Variants in OR4N2 observed in about 807,000 individuals in gnomAD.
OR4N2 encodes the protein olfactory receptor family 4 subfamily N member 2.
For missense variants in OR4N2, 307 were observed against 377.6 expected, an observed-to-expected ratio of 0.81 and a Z score of 1.55; for synonymous variants, 141 against 140.4, an observed-to-expected ratio of 1.00 and a Z score of -0.03.
chr14:19,815,708 T>C (rs1300268472), intron 1 of OR4N2, among the ~76,000 whole-genome samples: 2 of 151,924 alleles, frequency 1.3e-5, no homozygotes, highest in Non-Finnish European at 2.9e-5. Flanking sequence ...TTTAATTAGA[T>C]CTCATTTGTC....
Position 19,828,547 on chromosome 14 carries a change from C to G in OR4N2, c.*175C>G. 3.0e-6 allele frequency: 2 copies of G among 670,386 alleles called. No individual in the cohort carries two copies. The highest frequency in any genetic ancestry group is 4.9e-6 in the Non-Finnish European group (2 of 408,952). 41.5% of individuals were successfully genotyped at this position (670,386 alleles called of 1,614,324 possible). ...AGGTCCATCTGCTCTCCAAGAGATA[C>G]AACCTAGTAAAAATAGACCACCATT... On this transcript the variant is annotated 3_prime_UTR_variant, in exon 2 of 2. Coordinates refer to ENST00000557677, the MANE Select transcript of OR4N2 (RefSeq NM_001004723.3).
chr14:19,804,210 T>C (rs556010901), intron 1 of OR4N2, among the ~76,000 whole-genome samples: 3 of 152,356 alleles, frequency 2.0e-5, no homozygotes, highest in African/African-American at 7.2e-5. Context: ...AGTTCAGCTC[T>C]GATTTCAGTT....
chr14:19,826,208 C>T (rs12437324), intron 1 of OR4N2, among the ~76,000 whole-genome samples: 17,087 of 150,024 alleles, frequency 0.11, 599 homozygotes, highest in South Asian at 0.25. Flanking sequence ...AATGAGTATA[C>T]CCCATGAAAA....
chr14:19,805,801 T>C (rs931158726), intron 1 of OR4N2, among the ~76,000 whole-genome samples: 1 of 152,052 alleles, frequency 6.6e-6, no homozygotes, highest in African/African-American at 2.4e-5. Context: ...CCACAGTTAA[T>C]GCAAAAGAAA....
At position 19,828,309 on chromosome 14, in the gene OR4N2, T is replaced by C; in HGVS notation, c.861T>C (p.Tyr287=). The stretch of plus-strand genomic sequence containing the variant: ...TTCCTTTGTTGAATCCTGTCATTTA[T>C]ACCCTTCGCAACCAGGAAGTGAAAG... ...VIFPLLNPVI[Y]TLRNQEVKAS... Residue 287 remains tyrosine, a synonymous_variant, in exon 2 of 2, where the codon TAT becomes TAC. Coordinates refer to ENST00000557677, the MANE Select transcript of OR4N2 (RefSeq NM_001004723.3). The C allele has an allele frequency of 6.2e-7, 1 of 1,614,112 alleles. No homozygotes were observed. The highest frequency in any genetic ancestry group is 1.3e-5 in the African/African-American group (1 of 75,008).
intron 1 of OR4N2, among the ~76,000 whole-genome samples, chr14:19,816,810 G>A (rs534264215): frequency 8.3e-4 from 126 of 152,256 alleles, no homozygotes; most frequent in South Asian, 3.7e-3. Flanking sequence ...TTGCCCATTC[G>A]GTATGATATT....
chr14:19,821,321 C>A (rs1879559900), intron 1 of OR4N2, among the ~76,000 whole-genome samples: 1 of 152,218 alleles, frequency 6.6e-6, no homozygotes, highest in Admixed American at 6.5e-5. Flanking sequence ...CAGAAATCTT[C>A]TGTGAGTAAC....
chr14:19,812,257 A>G (rs1175257024), intron 1 of OR4N2, among the ~76,000 whole-genome samples: 4 of 152,032 alleles, frequency 2.6e-5, no homozygotes, highest in Non-Finnish European at 4.4e-5. Context: ...AAGTAAAAAA[A>G]GAAAAGAAAA....
At position 19,828,187 on chromosome 14, in the gene OR4N2, A is replaced by G. The variant is rs756343717; in HGVS notation, c.739A>G (p.Ile247Val). 4.9e-5 allele frequency: 79 copies of G among 1,614,066 alleles called. No individual in the cohort carries two copies. Among genetic ancestry groups the G allele is most frequent in the Non-Finnish European group, 6.3e-5 (74 of 1,180,032 alleles). The change falls in exon 2 of 2, where the codon ATA becomes GTA. Residue 247 changes from isoleucine to valine, a missense_variant. Ile to Val is a conservative substitution (Grantham distance 29). Transcript: ENST00000557677. The part of the protein sequence containing the change: ...MSTCITHIIV[I>V]FFMFGPGIFI... ...CACGTGCATCACCCATATCATTGTT[A>G]TATTCTTCATGTTTGGACCTGGCAT...
intron 1 of OR4N2, among the ~76,000 whole-genome samples, chr14:19,827,085 C>T (rs1447587185): frequency 2.0e-5 from 3 of 152,226 alleles, no homozygotes; most frequent in Admixed American, 6.5e-5. Context: ...CACAAAAACT[C>T]AAAGACCTTC....
At chr14:19,815,590 T>C (rs1381184536) in intron 1 of OR4N2, among the ~76,000 whole-genome samples, 2 of 152,316 alleles carry the variant, frequency 1.3e-5, no homozygotes, top group East Asian at 3.9e-4. Flanking sequence ...GTCAGATGGA[T>C]AGATTGCAAA....
At chr14:19,807,427 A>C (rs1216576624) in intron 1 of OR4N2, among the ~76,000 whole-genome samples, 1 of 152,062 alleles carries the variant, frequency 6.6e-6, no homozygotes, top group Non-Finnish European at 1.5e-5. Flanking sequence ...GAAATACAAA[A>C]GATACTCAAA....
intron 1 of OR4N2, among the ~76,000 whole-genome samples, chr14:19,805,608 A>G (rs1380112759): frequency 6.6e-6 from 1 of 152,188 alleles, no homozygotes; most frequent in African/African-American, 2.4e-5. Context: ...CCAAATCTAC[A>G]ACTCATTACC....
intron 1 of OR4N2, among the ~76,000 whole-genome samples, chr14:19,819,798 G>A (rs758660827): frequency 1.3e-5 from 2 of 152,228 alleles, no homozygotes; most frequent in Non-Finnish European, 2.9e-5. Context: ...TTTTTGCTCT[G>A]GTTTTTCCTC....
chr14:19,811,578 T>C (rs904142244), intron 1 of OR4N2, among the ~76,000 whole-genome samples: 3 of 152,264 alleles, frequency 2.0e-5, no homozygotes, highest in African/African-American at 7.2e-5. Flanking sequence ...GTATTAGCAA[T>C]CCGAACATGA....
intron 1 of OR4N2, among the ~76,000 whole-genome samples, chr14:19,807,475 A>G (rs1879193438): frequency 6.6e-6 from 1 of 152,146 alleles, no homozygotes; most frequent in Non-Finnish European, 1.5e-5. Flanking sequence ...AAATTAGAAA[A>G]TCTAGAAGAA....
At chr14:19,811,315 C>T (rs766407012) in intron 1 of OR4N2, among the ~76,000 whole-genome samples, 6 of 152,310 alleles carry the variant, frequency 3.9e-5, no homozygotes, top group Non-Finnish European at 5.9e-5. Flanking sequence ...GGTGCGATCT[C>T]GGCTCACTGC....
At chr14:19,816,669 G>T (rs1383432396) in intron 1 of OR4N2, among the ~76,000 whole-genome samples, 1 of 152,184 alleles carries the variant, frequency 6.6e-6, no homozygotes, top group Non-Finnish European at 1.5e-5. Flanking sequence ...CTCTCTTCCT[G>T]TTTGAATACG....
chr14:19,821,644 C>T (rs10130146), intron 1 of OR4N2, among the ~76,000 whole-genome samples: 56,824 of 149,164 alleles, frequency 0.38, 6,454 homozygotes, highest in South Asian at 0.48. Context: ...TTCTGTCTTT[C>T]TCACGATAGA....
Sources: gnomAD v4.1 joint callset for allele counts (sites outside exome capture counted in the v4.1 genomes callset) on GRCh38, gnomAD v4.1.1 for gene constraint, MANE v1.5 for transcripts, NCBI Gene and HGNC (gene_info 2026-07-23, HGNC 2026-07-21) for gene names.